Variants in SCTR observed in about 807,000 individuals in gnomAD.
SCTR encodes secretin receptor.
A neutral mutation model predicts 60.8 loss-of-function variants in SCTR; 56 were observed. The observed-to-expected ratio is 0.92, with a 90% CI of 0.74 to 1.15. The LOEUF is 1.15. SCTR is among the 50% of genes most tolerant of loss of function. The pLI, the probability that SCTR is intolerant of heterozygous loss-of-function variation, is 0.00. For missense variants in SCTR, 562 were observed against 550.4 expected (o/e 1.02, Z -0.21); for synonymous variants, 202 against 217.0 (o/e 0.93, Z 0.61).
intron 2 of SCTR, among the ~76,000 whole-genome samples, chr2:119,485,674 G>A (rs75822467): frequency 0.11 from 16,189 of 152,200 alleles, 1,165 homozygotes; most frequent in South Asian, 0.24. Context: ...TCGGCTGATG[G>A]GGTCACCAGG....
At chr2:119,523,430 ATTATTATT>A (rs1265087057) in intron 1 of SCTR, among the ~76,000 whole-genome samples, 1 of 145,948 alleles carries the variant, frequency 6.9e-6, no homozygotes, top group African/African-American at 2.5e-5. Context: ...TATTATTATT[ATTATTATT>A]ATTTTCCTCC....
At chr2:119,450,040 G>A (rs1558836394) in intron 9 of SCTR, among the ~76,000 whole-genome samples, 2 of 137,930 alleles carry the variant, frequency 1.5e-5, no homozygotes, top group African/African-American at 5.8e-5. Context: ...AGGAAGGAAG[G>A]AAGAAAGAAA....
At chr2:119,488,239 G>A (rs2104882269) in intron 2 of SCTR, among the ~76,000 whole-genome samples, 1 of 152,260 alleles carries the variant, frequency 6.6e-6, no homozygotes, top group East Asian at 1.9e-4. Context: ...GTGATGGGTG[G>A]GGGGCCAGCT....
intron 7 of SCTR, among the ~76,000 whole-genome samples, chr2:119,459,067 A>G (rs910785175): frequency 2.6e-5 from 4 of 152,242 alleles, no homozygotes; most frequent in African/African-American, 9.6e-5. Context: ...CTTTCCACTC[A>G]GGAATCCATA....
intron 7 of SCTR, among the ~76,000 whole-genome samples, chr2:119,455,807 G>A (rs1239532185): frequency 6.6e-6 from 1 of 152,084 alleles, no homozygotes; most frequent in African/African-American, 2.4e-5. Context: ...CAATTAAATA[G>A]ATAATGTAAG....
chr2:119,484,026 A>G (rs1156834853), intron 2 of SCTR, among the ~76,000 whole-genome samples: 1 of 152,062 alleles, frequency 6.6e-6, no homozygotes, highest in Non-Finnish European at 1.5e-5. Context: ...TGGCCTTCCC[A>G]GGGAGCCCTG....
At chr2:119,443,437 T>G (rs1401640979) in intron 11 of SCTR, among the ~76,000 whole-genome samples, 3 of 152,246 alleles carry the variant, frequency 2.0e-5, no homozygotes, top group African/African-American at 7.2e-5. Flanking sequence ...ATTTCTGGGT[T>G]ATGACGTTCT....
intron 7 of SCTR, among the ~76,000 whole-genome samples, chr2:119,459,046 C>T (rs1017488994): frequency 2.6e-5 from 4 of 152,346 alleles, no homozygotes; most frequent in African/African-American, 4.8e-5. Flanking sequence ...AAACCTTAAA[C>T]GTGCTCACTC....
chr2:119,512,818 T>C (rs1014441558), intron 1 of SCTR, among the ~76,000 whole-genome samples: 1 of 152,244 alleles, frequency 6.6e-6, no homozygotes, highest in African/African-American at 2.4e-5. Flanking sequence ...TCCTTTTCTA[T>C]AGCATCCTTT....
At position 119,494,459 on chromosome 2, in the gene SCTR, TG is replaced by T; in HGVS notation, c.161del (p.Thr54LysfsTer20). 1 of 1,614,006 alleles carries T rather than the reference TG, an allele frequency of 6.2e-7. No homozygotes were observed. Among genetic ancestry groups the T allele is most frequent in the Non-Finnish European group, 8.5e-7 (1 of 1,179,918 alleles). On this transcript the variant is annotated frameshift_variant, in exon 2 of 13. Transcript: ENST00000019103. LOFTEE classifies it high-confidence loss of function. ...QCLQELSREQ[T>X]GDLGTEQPVP... The stretch of plus-strand genomic sequence containing the variant: ...CTGGCTGCTCCGTGCCCAGGTCTCC[TG>T]TCTGCTCTCTGGAGAGTTCCTGCAG...
chr2:119,523,172 G>C (rs1427316180), intron 1 of SCTR, among the ~76,000 whole-genome samples: 3 of 152,098 alleles, frequency 2.0e-5, no homozygotes, highest in Non-Finnish European at 4.4e-5. Flanking sequence ...TCCCTGGGGA[G>C]CTTCTTGGAA....
chr2:119,465,985 G>A (rs1683819444), intron 4 of SCTR, 99 bp from the exon 5 acceptor site: 1 of 772,810 alleles, frequency 1.3e-6, no homozygotes, highest in South Asian at 1.5e-5. Context: ...ACCCACCGAC[G>A]CTGCTATTCT....
chr2:119,492,035 G>C (rs1285988192), intron 2 of SCTR, among the ~76,000 whole-genome samples: 2 of 152,186 alleles, frequency 1.3e-5, no homozygotes, highest in Non-Finnish European at 2.9e-5. Flanking sequence ...GAAGTCACTG[G>C]AGACACTGGA....
intron 1 of SCTR, among the ~76,000 whole-genome samples, chr2:119,494,806 C>T (rs562616227): frequency 6.6e-6 from 1 of 152,342 alleles, no homozygotes; most frequent in Non-Finnish European, 1.5e-5. Context: ...TTTATGAAGG[C>T]TCCTGAGCCC....
In SCTR at chr2:119,494,480, C is replaced by G. The variant is rs896039955; in HGVS notation, c.141G>C (p.Gln47His). The G allele has an allele frequency of 6.2e-7, 1 of 1,614,080 alleles. No individual in the cohort carries two copies. The highest frequency in any genetic ancestry group is 8.5e-7 in the Non-Finnish European group (1 of 1,179,954). ...VLWEEQDQCL[Q>H]ELSREQTGDL... ...CTCCTGTCTGCTCTCTGGAGAGTTC[C>G]TGCAGGCACTGGTCTTGCTCTTCCC... The change falls in exon 2 of 13, where the codon CAG (glutamine) becomes CAC (histidine). Residue 47 changes from glutamine (Q) to histidine (H), a missense_variant. Gln to His is a conservative substitution (Grantham distance 24). Coordinates refer to ENST00000019103, the MANE Select transcript of SCTR (RefSeq NM_002980.3).
chr2:119,458,604 A>G (rs1228160185), intron 7 of SCTR, among the ~76,000 whole-genome samples: 1 of 146,924 alleles, frequency 6.8e-6, no homozygotes, highest in African/African-American at 2.7e-5. Flanking sequence ...CTCTCTCAAA[A>G]AAAAAAAAAA....
chr2:119,475,714 G>A (rs1323875742), intron 3 of SCTR, among the ~76,000 whole-genome samples: 6 of 146,234 alleles, frequency 4.1e-5, no homozygotes, highest in Admixed American at 6.9e-5. Flanking sequence ...TATATATTAT[G>A]TGCATATATA....
intron 1 of SCTR, 34 bp downstream of exon 1, chr2:119,524,121 G>C (rs1424094628): frequency 1.3e-6 from 2 of 1,523,920 alleles, no homozygotes; most frequent in Admixed American, 2.0e-5. Context: ...TCGCTCCCTC[G>C]GGTCCCCAGC....
chr2:119,523,439 ATTTTC>A (rs1679353498), intron 1 of SCTR, among the ~76,000 whole-genome samples: 1 of 137,110 alleles, frequency 7.3e-6, no homozygotes, highest in African/African-American at 2.8e-5. Context: ...TATTATTATT[ATTTTC>A]CTCCTCCAGC....
Sources: allele counts gnomAD v4.1 joint callset (sites outside exome capture counted in the v4.1 genomes callset), GRCh38; gene constraint gnomAD v4.1.1; transcripts MANE v1.5; gene names NCBI Gene and HGNC (gene_info 2026-07-23, HGNC 2026-07-21).